Variants in GALNT10 observed in about 807,000 individuals in gnomAD.
The protein encoded by GALNT10 is GalNAc transferase 10.
In GALNT10, 41 loss-of-function variants were observed where a neutral mutation model predicts 75.0. The observed-to-expected ratio is 0.55, with a 90% confidence interval of 0.43 to 0.71. The LOEUF (loss-of-function observed/expected upper bound fraction) is 0.71, where lower values mean the gene tolerates loss of function less well. GALNT10 is among the 30% of genes least tolerant of loss of function. The pLI is 0.00. For missense variants in GALNT10, 727 were observed against 818.5 expected, an observed-to-expected ratio of 0.89 and a Z score of 1.36; for synonymous variants, 302 against 313.0, an observed-to-expected ratio of 0.96 and a Z score of 0.37.
chr5:154,295,648 A>G (rs1754261903), intron 2 of GALNT10, among the ~76,000 whole-genome samples: 1 of 152,036 alleles, frequency 6.6e-6, no homozygotes, highest in African/African-American at 2.4e-5. Context: ...TGGAGAATCA[A>G]CTCTAGGGAG....
At chr5:154,336,525 A>G (rs183015373) in intron 4 of GALNT10, among the ~76,000 whole-genome samples, 194 of 152,324 alleles carry the variant, frequency 1.3e-3, no homozygotes, top group African/African-American at 4.4e-3. Context: ...GATTTTGTCA[A>G]TAGCTGCTTA....
intron 7 of GALNT10, among the ~76,000 whole-genome samples, chr5:154,391,492 G>T (rs981149523): frequency 6.6e-6 from 1 of 152,172 alleles, no homozygotes; most frequent in Non-Finnish European, 1.5e-5. Flanking sequence ...GCAGAGCAAA[G>T]TTCTCACGTG....
chr5:154,377,376 G>A (rs1376362223), intron 5 of GALNT10, among the ~76,000 whole-genome samples: 1 of 152,210 alleles, frequency 6.6e-6, no homozygotes, highest in Non-Finnish European at 1.5e-5. Flanking sequence ...ACTTAAGAAA[G>A]GATGGGTAAG....
chr5:154,347,962 T>G (rs1755153647), intron 4 of GALNT10, among the ~76,000 whole-genome samples: 1 of 152,212 alleles, frequency 6.6e-6, no homozygotes, highest in East Asian at 1.9e-4. Flanking sequence ...AGGCTCTCAT[T>G]GAAGGTTTAT....
At chr5:154,328,510 C>T (rs189458631) in intron 3 of GALNT10, among the ~76,000 whole-genome samples, 242 of 152,334 alleles carry the variant, frequency 1.6e-3, no homozygotes, top group Admixed American at 4.6e-3. Context: ...CAGAATACTT[C>T]TGTGACCAAA....
intron 4 of GALNT10, among the ~76,000 whole-genome samples, chr5:154,339,732 G>A (rs752640395): frequency 6.6e-6 from 1 of 152,188 alleles, no homozygotes; most frequent in African/African-American, 2.4e-5. Flanking sequence ...TAAAAACTTG[G>A]TGCAGTAAGA....
At chr5:154,354,299 A>AG (rs900857390) in intron 4 of GALNT10, among the ~76,000 whole-genome samples, 12 of 152,320 alleles carry the variant, frequency 7.9e-5, no homozygotes, top group African/African-American at 2.6e-4. Flanking sequence ...GGGGAGTGTG[A>AG]GCCTGAGACA....
At chr5:154,218,805 T>C (rs952931165) in intron 1 of GALNT10, among the ~76,000 whole-genome samples, 18 of 152,314 alleles carry the variant, frequency 1.2e-4, no homozygotes, top group African/African-American at 4.1e-4. Flanking sequence ...TAATCATACC[T>C]GTGGGACCTG....
At chr5:154,217,658 C>T (rs1164588206) in intron 1 of GALNT10, among the ~76,000 whole-genome samples, 5 of 152,208 alleles carry the variant, frequency 3.3e-5, no homozygotes, top group African/African-American at 1.2e-4. Context: ...CCTGTCCACA[C>T]CCCTGTCACC....
chr5:154,214,690 G>C (rs955136216), intron 1 of GALNT10, among the ~76,000 whole-genome samples: 1 of 152,142 alleles, frequency 6.6e-6, no homozygotes, highest in Admixed American at 6.5e-5. Flanking sequence ...ACAAAGTGAC[G>C]GGAAGGGATT....
At chr5:154,272,295 C>T (rs570653294) in intron 1 of GALNT10, among the ~76,000 whole-genome samples, 3 of 152,140 alleles carry the variant, frequency 2.0e-5, no homozygotes, top group Non-Finnish European at 4.4e-5. Context: ...GGGGAGTGAT[C>T]GGTAGTGGCT....
chr5:154,384,981 T>A (rs1362538854), intron 6 of GALNT10, among the ~76,000 whole-genome samples: 1 of 152,206 alleles, frequency 6.6e-6, no homozygotes, highest in Non-Finnish European at 1.5e-5. Flanking sequence ...CAGTAAATAT[T>A]CAGGGGCTCC....
rs952168612 is a variant in GALNT10 at position 154,416,535 on chromosome 5, G to T, written c.1654-279G>T. ...CACACACACGATAAGGACCAGTGAG[G>T]TCTGACAGGAGGTGGGCAGTGTCTA... On this transcript the variant is annotated intron_variant, in intron 11 of 11. Coordinates refer to ENST00000297107, the MANE Select transcript of GALNT10 (RefSeq NM_198321.4). The surrounding 1 kb of genome is among the most constrained non-coding windows in gnomAD (Gnocchi z 4.5). Among the ~76,000 whole-genome samples, 4 of 145,592 alleles carry T rather than the reference G, an allele frequency of 2.7e-5. No homozygotes were observed. Among genetic ancestry groups the T allele is most frequent in the Non-Finnish European group, 6.0e-5 (4 of 66,750 alleles).
chr5:154,231,688 A>G (rs2112687), intron 1 of GALNT10, among the ~76,000 whole-genome samples: 95,422 of 152,068 alleles, frequency 0.63, 31,080 homozygotes, highest in East Asian at 0.85. Flanking sequence ...CTGTGGGGGT[A>G]ATGAGGCCAT....
At chr5:154,356,325 A>T (rs1755289174) in intron 4 of GALNT10, 1 of 409,148 alleles carries the variant, frequency 2.4e-6, no homozygotes, top group African/African-American at 2.1e-5. Flanking sequence ...GTTGATGCTT[A>T]TTTTGGGGAA....
At chr5:154,392,368 G>A (rs1755913464) in intron 7 of GALNT10, 1 of 152,212 alleles carries the variant, frequency 6.6e-6, no homozygotes, top group Non-Finnish European at 1.5e-5. Flanking sequence ...AAGTGTTAGT[G>A]TGTTAGTGGC....
intron 1 of GALNT10, among the ~76,000 whole-genome samples, chr5:154,247,496 G>A (rs191427231): frequency 7.9e-5 from 12 of 152,250 alleles, no homozygotes; most frequent in African/African-American, 2.4e-4. Context: ...TTGAGCAGTC[G>A]TTTGTAGTTG....
At chr5:154,363,760 C>T (rs554478834) in intron 4 of GALNT10, among the ~76,000 whole-genome samples, 1 of 152,166 alleles carries the variant, frequency 6.6e-6, no homozygotes. Context: ...CAGATGATAG[C>T]ATTTGCTTCC....
At chr5:154,201,715 G>C (rs1198902641) in intron 1 of GALNT10, among the ~76,000 whole-genome samples, 1 of 152,108 alleles carries the variant, frequency 6.6e-6, no homozygotes, top group Non-Finnish European at 1.5e-5. Flanking sequence ...CAGATGACGA[G>C]ATCAGGAGTT....
Sources: gnomAD v4.1 joint callset for allele counts (sites outside exome capture counted in the v4.1 genomes callset) on GRCh38, gnomAD v4.1.1 for gene constraint, Gnocchi (gnomAD v3.1) non-coding constraint, MANE v1.5 for transcripts, NCBI Gene and HGNC (gene_info 2026-07-23, HGNC 2026-07-21) for gene names.